The following PRELID2 variants were observed in gnomAD, a reference collection of about 807,000 sequenced individuals.
PRELID2 encodes the protein PRELI domain-containing protein 2.
PRELID2 carries 25 observed loss-of-function variants against 28.4 expected under a neutral mutation model. The ratio of observed to expected loss-of-function variants is 0.88; its 90% CI spans 0.64 to 1.23. The LOEUF is 1.23. Ranked by LOEUF, PRELID2 falls within the 50% of genes most tolerant of loss-of-function variation. The pLI is 0.00. For missense variants in PRELID2, 201 were observed against 214.4 expected (o/e 0.94, Z 0.39); for synonymous variants, 76 against 71.6 (o/e 1.06, Z -0.31).
At chr5:145,723,517 G>A (rs2149719358) in intron 1 of PRELID2, among the ~76,000 whole-genome samples, 1 of 152,182 alleles carries the variant, frequency 6.6e-6, no homozygotes, top group South Asian at 2.1e-4. Flanking sequence ...AATAACTAAA[G>A]CCTTAATAAA....
chr5:145,553,485 C>T (rs897016484), intron 1 of PRELID2, among the ~76,000 whole-genome samples: 3 of 152,188 alleles, frequency 2.0e-5, no homozygotes, highest in Non-Finnish European at 2.9e-5. Flanking sequence ...TCACCTTCCT[C>T]ATGTGCAAAA....
intron 1 of PRELID2, among the ~76,000 whole-genome samples, chr5:145,640,301 C>T (rs960979983): frequency 8.6e-5 from 13 of 151,686 alleles, no homozygotes; most frequent in African/African-American, 2.9e-4. Context: ...GGTGAAACCC[C>T]GTCTCTACTA....
intron 1 of PRELID2, among the ~76,000 whole-genome samples, chr5:145,695,600 G>T (rs1244847043): frequency 6.6e-6 from 1 of 152,160 alleles, no homozygotes; most frequent in African/African-American, 2.4e-5. Flanking sequence ...TTGTGGAATT[G>T]CAGTGAAGCT....
At chr5:145,560,196 G>C (rs920086544) in intron 1 of PRELID2, among the ~76,000 whole-genome samples, 1 of 152,168 alleles carries the variant, frequency 6.6e-6, no homozygotes, top group African/African-American at 2.4e-5. Flanking sequence ...TGTCACTTTT[G>C]CACCATTGTA....
chr5:145,715,600 G>A (rs886868440), intron 1 of PRELID2, among the ~76,000 whole-genome samples: 3 of 152,102 alleles, frequency 2.0e-5, no homozygotes, highest in Non-Finnish European at 4.4e-5. Flanking sequence ...CCACATGATT[G>A]GATGCCTGTC....
At chr5:145,371,042 A>C in the PRELID2 span, among the ~76,000 whole-genome samples, 1 of 152,194 alleles carries the variant, frequency 6.6e-6, no homozygotes, top group East Asian at 1.9e-4. Context: ...CTAAATATAC[A>C]ATCATGTCAT....
the PRELID2 span, among the ~76,000 whole-genome samples, chr5:145,402,952 G>C: frequency 6.6e-6 from 1 of 152,188 alleles, no homozygotes; most frequent in Non-Finnish European, 1.5e-5. Flanking sequence ...TTGTCAAAGG[G>C]AAATTAGAGT....
In PRELID2 at chr5:145,745,634, G is replaced by C. The variant is rs1296499991; in HGVS notation, n.70+19297C>G. 3.9e-5 allele frequency among the ~76,000 whole-genome samples: 6 copies of C among 152,172 alleles called. No homozygotes were observed. In the East Asian group the frequency reaches 9.7e-4, roughly 25 times the overall value. ...CCCAGCACTTTGGGAGGCCGAGGACGGCAGATCACCTGAGGTTTGGAGTTT... is the reference window on the plus strand; with the variant it reads ...CCCAGCACTTTGGGAGGCCGAGGACCGCAGATCACCTGAGGTTTGGAGTTT... On this transcript the variant is annotated intron_variant and non_coding_transcript_variant, in intron 1 of 2. Transcript: ENST00000510259.
intron 1 of PRELID2, among the ~76,000 whole-genome samples, chr5:145,589,469 AT>A (rs60927439): frequency 0.035 from 5,309 of 151,922 alleles, 285 homozygotes; most frequent in African/African-American, 0.12. Flanking sequence ...GAATATCATC[AT>A]TTTTTTTCTT....
chr5:145,713,821 C>CAT lies in PRELID2; in HGVS notation n.70+51108_70+51109dup, dbSNP rs567372630. 3.1e-3 allele frequency among the ~76,000 whole-genome samples: 461 copies of CAT among 147,400 alleles called. 2 individuals are homozygous for CAT. Among genetic ancestry groups the CAT allele is most frequent in the African/African-American group, 0.011 (443 of 40,012 alleles). ...ATTACATTTAAATGTAATTCTGGCA[C>CAT]ATATATATATGCCAGAAGACAATGG... On this transcript the variant is annotated intron_variant and non_coding_transcript_variant, in intron 1 of 2. Transcript: ENST00000510259.
Position 145,690,655 on chromosome 5 carries a change from C to A in PRELID2, n.70+74276G>T, listed in dbSNP as rs1355548711. 2.6e-5 allele frequency among the ~76,000 whole-genome samples: 4 copies of A among 152,258 alleles called. No homozygotes were observed. In the East Asian group the frequency reaches 5.8e-4, roughly 22 times the overall value. On this transcript the variant is annotated intron_variant and non_coding_transcript_variant, in intron 1 of 2. Transcript: ENST00000510259. Reference sequence around the variant, plus strand: ...AACTGAAGCCAAACGTACTGTCAGGCCTTTTCAGTAGGGTGATTACTGCAT... The same window carrying A: ...AACTGAAGCCAAACGTACTGTCAGGACTTTTCAGTAGGGTGATTACTGCAT...
intron 1 of PRELID2, among the ~76,000 whole-genome samples, chr5:145,740,953 TATAA>T (rs200143498): frequency 0.85 from 69,195 of 81,078 alleles, 30,104 homozygotes; most frequent in East Asian, 0.93. Context: ...TATATTTATC[TATAA>T]ATAAAGTATA....
the PRELID2 span, among the ~76,000 whole-genome samples, chr5:145,369,244 A>G: frequency 1.3e-5 from 2 of 151,878 alleles, no homozygotes; most frequent in Non-Finnish European, 2.9e-5. Context: ...TGCTGCACCT[A>G]TTAACCCATC....
the PRELID2 span, among the ~76,000 whole-genome samples, chr5:145,437,655 C>T: frequency 2.0e-5 from 3 of 152,060 alleles, no homozygotes; most frequent in African/African-American, 7.2e-5. Flanking sequence ...CATGACTCTT[C>T]GTGTAGCTGA....
At chr5:145,293,429 A>G in the PRELID2 span, among the ~76,000 whole-genome samples, 2 of 152,194 alleles carry the variant, frequency 1.3e-5, no homozygotes, top group Non-Finnish European at 2.9e-5. Flanking sequence ...CAATAATCCT[A>G]GATAGTAGCT....
rs890573951 is a variant in PRELID2 at position 145,756,966 on chromosome 5, G to A, written c.*3570C>T. On this transcript the variant is annotated 3_prime_UTR_variant, in exon 7 of 7. Coordinates refer to ENST00000683046, the MANE Select transcript of PRELID2 (RefSeq NM_205846.3). The stretch of plus-strand genomic sequence containing the variant: ...AGGGACTTTAACAAAACTAAGTAGG[G>A]CCTGAAAGAATTAAAAACATATATG... 1.3e-5 allele frequency among the ~76,000 whole-genome samples: 2 copies of A among 151,910 alleles called. No homozygotes were observed. Among genetic ancestry groups the A allele is most frequent in the Non-Finnish European group, 2.9e-5 (2 of 67,966 alleles).
the PRELID2 span, among the ~76,000 whole-genome samples, chr5:145,328,433 C>A: frequency 2.0e-5 from 3 of 152,208 alleles, no homozygotes; most frequent in Non-Finnish European, 4.4e-5. Context: ...TCTCCACATC[C>A]TCTCCAGCAT....
intron 1 of PRELID2, among the ~76,000 whole-genome samples, chr5:145,613,468 C>T (rs1043312438): frequency 6.8e-5 from 9 of 132,410 alleles, no homozygotes; most frequent in Non-Finnish European, 9.4e-5. Flanking sequence ...CAACAGGCCC[C>T]GCTATGTGAT....
chr5:145,611,904 G>T (rs6868802), intron 1 of PRELID2, among the ~76,000 whole-genome samples: 26,603 of 151,998 alleles, frequency 0.18, 3,878 homozygotes, highest in African/African-American at 0.39. Context: ...AAGATTTACT[G>T]AAAAGCTACA....
Sources: allele counts gnomAD v4.1 joint callset (sites outside exome capture counted in the v4.1 genomes callset), GRCh38; gene constraint gnomAD v4.1.1; transcripts MANE v1.5; gene names NCBI Gene and HGNC (gene_info 2026-07-23, HGNC 2026-07-21).